The following ERC1 variants were observed in gnomAD, a reference collection of about 807,000 sequenced individuals.
ERC1 encodes the protein RAB6 interacting protein 2.
ERC1 carries 56 observed loss-of-function variants against 132.0 expected under a neutral mutation model. The observed-to-expected ratio is 0.42, with a 90% CI of 0.34 to 0.53. ERC1 has a LOEUF of 0.53. ERC1 is among the 20% of genes least tolerant of loss of function. The pLI is 0.03. For missense variants in ERC1, 1,202 were observed against 1,349.9 expected (o/e 0.89, Z 1.72); for synonymous variants, 478 against 476.1 (o/e 1.00, Z -0.05).
intron 16 of ERC1, among the ~76,000 whole-genome samples, chr12:1,383,886 C>T (rs1310593793): frequency 6.6e-6 from 1 of 152,134 alleles, no homozygotes; most frequent in Non-Finnish European, 1.5e-5. Context: ...TTCATTTAAT[C>T]ATCACTACAG....
intron 18 of ERC1, among the ~76,000 whole-genome samples, chr12:1,453,289 G>A (rs973900277): frequency 1.3e-5 from 2 of 152,034 alleles, no homozygotes; most frequent in Non-Finnish European, 2.9e-5. Context: ...ATAATTTGGG[G>A]TCCTACTGGA....
rs535400028 is a variant in ERC1, at chr12:1,448,447, C to A, written c.3213+3697C>A. On this transcript the variant is annotated intron_variant, in intron 18 of 18. Coordinates refer to ENST00000360905, the MANE Select transcript of ERC1 (RefSeq NM_178040.4). ...TAAGAATTTAAGGAAGTAATGTAGG[C>A]TGTCTAACAATACAAAATGACTTGC... Among the ~76,000 whole-genome samples, 3 of 152,344 alleles carry A rather than the reference C, an allele frequency of 2.0e-5. No homozygotes were observed. The South Asian group carries it at 6.2e-4, about 32-fold the overall frequency.
At chr12:1,002,160 CTTTTTTTTTTTTTTTT>C (rs71055117) in intron 1 of ERC1, among the ~76,000 whole-genome samples, 13 of 38,456 alleles carry the variant, frequency 3.4e-4, no homozygotes, top group Admixed American at 2.5e-3. Context: ...CCATGCCCGG[CTTTTTTTTTTTTTTTT>C]TTTTTTTTTT....
At chr12:1,303,657 A>G (rs1332946505) in intron 15 of ERC1, among the ~76,000 whole-genome samples, 1 of 146,840 alleles carries the variant, frequency 6.8e-6, no homozygotes, top group African/African-American at 2.5e-5. Flanking sequence ...AAATAAATAA[A>G]TAAAAATAAT....
At chr12:1,310,322 T>G (rs551896209) in intron 15 of ERC1, among the ~76,000 whole-genome samples, 4 of 152,248 alleles carry the variant, frequency 2.6e-5, no homozygotes, top group African/African-American at 7.2e-5. Flanking sequence ...TGCCTCTTCC[T>G]CAGCCTCCCA....
chr12:1,103,142 A>G (rs922339329), intron 3 of ERC1, among the ~76,000 whole-genome samples: 2 of 150,914 alleles, frequency 1.3e-5, no homozygotes, highest in Admixed American at 1.3e-4. Flanking sequence ...CATTATCACA[A>G]CAACTAAACC....
At chr12:1,033,720 C>T (rs149954111) in intron 2 of ERC1, among the ~76,000 whole-genome samples, 1 of 152,016 alleles carries the variant, frequency 6.6e-6, no homozygotes, top group South Asian at 2.1e-4. Context: ...ACCTCCGCCT[C>T]CTGAGTTCAA....
chr12:1,263,226 CAGTAT>C, intron 14 of ERC1, 61 bp downstream of exon 14: 1 of 1,547,448 alleles, frequency 6.5e-7, no homozygotes, highest in African/African-American at 1.4e-5. Context: ...AACACACAAC[CAGTAT>C]AGTTTAGGTA....
intron 7 of ERC1, among the ~76,000 whole-genome samples, chr12:1,124,592 A>G (rs1947938047): frequency 9.6e-6 from 1 of 103,688 alleles, no homozygotes; most frequent in South Asian, 4.0e-4. Flanking sequence ...CTAGGTGTTC[A>G]AATCAGGAAA....
chr12:1,136,309 T>C (rs1304130812), intron 7 of ERC1, among the ~76,000 whole-genome samples: 1 of 152,236 alleles, frequency 6.6e-6, no homozygotes, highest in African/African-American at 2.4e-5. Flanking sequence ...GTATCTCTGC[T>C]CAAAGGTTCT....
At chr12:1,128,915 CTGA>C (rs964239961) in intron 7 of ERC1, among the ~76,000 whole-genome samples, 1 of 152,062 alleles carries the variant, frequency 6.6e-6, no homozygotes, top group Non-Finnish European at 1.5e-5. Context: ...GAACATAGAT[CTGA>C]TGAGCTATTA....
At chr12:1,340,606 C>T (rs12305431) in intron 15 of ERC1, among the ~76,000 whole-genome samples, 2,696 of 152,174 alleles carry the variant, frequency 0.018, 86 homozygotes, top group African/African-American at 0.061. Flanking sequence ...TGCAGTAGCC[C>T]GGTGCAGCGT....
chr12:1,042,342 TTTTTTTTTTTTTTTC>T (rs753321535), intron 2 of ERC1, among the ~76,000 whole-genome samples: 6 of 144,122 alleles, frequency 4.2e-5, no homozygotes, highest in African/African-American at 7.5e-5. Flanking sequence ...CGGCCTGTTT[TTTTTTTTTTTTTTTC>T]TTTTTTTGAA....
chr12:1,075,219 A>G (rs1490800847), intron 2 of ERC1, among the ~76,000 whole-genome samples: 2 of 152,166 alleles, frequency 1.3e-5, no homozygotes, highest in African/African-American at 4.8e-5. Flanking sequence ...ACGTTTGTAC[A>G]AAGTGGGGTT....
At chr12:1,194,773 T>G (rs1296810423) in intron 12 of ERC1, among the ~76,000 whole-genome samples, 2 of 152,212 alleles carry the variant, frequency 1.3e-5, no homozygotes, top group African/African-American at 4.8e-5. Flanking sequence ...CATCTGATTT[T>G]CATATAATTT....
At chr12:1,067,856 T>C (rs1381302804) in intron 2 of ERC1, among the ~76,000 whole-genome samples, 7 of 152,084 alleles carry the variant, frequency 4.6e-5, no homozygotes, top group African/African-American at 1.7e-4. Context: ...GTAAAAAATA[T>C]ATTTAGAACA....
At chr12:1,188,701 C>T (rs1201341727) in intron 11 of ERC1, among the ~76,000 whole-genome samples, 1 of 152,148 alleles carries the variant, frequency 6.6e-6, no homozygotes, top group Non-Finnish European at 1.5e-5. Flanking sequence ...TTTCACCAAG[C>T]GTTTAATACA....
chr12:1,267,468 CT>C (rs2077551025), intron 14 of ERC1, among the ~76,000 whole-genome samples: 1 of 152,172 alleles, frequency 6.6e-6, no homozygotes, highest in African/African-American at 2.4e-5. Flanking sequence ...ATTTAAATAT[CT>C]TCACTGGGCC....
At chr12:1,485,666 T>G (rs995760338) in intron 18 of ERC1, among the ~76,000 whole-genome samples, 4 of 152,204 alleles carry the variant, frequency 2.6e-5, no homozygotes, top group Non-Finnish European at 5.9e-5. Context: ...ATCCTTTGTC[T>G]TTTTGTTTTG....
Sources: allele counts gnomAD v4.1 joint callset (sites outside exome capture counted in the v4.1 genomes callset), GRCh38; gene constraint gnomAD v4.1.1; transcripts MANE v1.5; gene names NCBI Gene and HGNC (gene_info 2026-07-23, HGNC 2026-07-21).